Variants in AK5 observed in about 807,000 individuals in gnomAD.
AK5 encodes the protein adenylate kinase isoenzyme 5.
AK5 carries 27 observed loss-of-function variants against 69.5 expected under a neutral mutation model. The observed-to-expected ratio is 0.39, with a 90% CI of 0.29 to 0.54. AK5 has a LOEUF of 0.54. Ranked by LOEUF, AK5 falls within the 20% of genes least tolerant of loss-of-function variation. The pLI, the probability that AK5 is intolerant of heterozygous loss-of-function variation, is 0.71. For missense variants in AK5, 531 were observed against 700.4 expected, an observed-to-expected ratio of 0.76 and a Z score of 2.73; for synonymous variants, 260 against 244.4, an observed-to-expected ratio of 1.06 and a Z score of -0.60.
chr1:77,508,667 G>C (rs1453797847), intron 10 of AK5, among the ~76,000 whole-genome samples: 6 of 152,236 alleles, frequency 3.9e-5, no homozygotes, highest in Non-Finnish European at 1.5e-5. Context: ...AGGAGTTCGA[G>C]ACCAGCCTGG....
intron 6 of AK5, among the ~76,000 whole-genome samples, chr1:77,365,420 A>G (rs80008689): frequency 0.052 from 7,943 of 152,258 alleles, 318 homozygotes; most frequent in Admixed American, 0.12. Context: ...GGGCAATGTT[A>G]TACTTTGTTT....
chr1:77,512,245 G>C (rs1657392717), intron 10 of AK5, among the ~76,000 whole-genome samples: 1 of 151,986 alleles, frequency 6.6e-6, no homozygotes, highest in Non-Finnish European at 1.5e-5. Flanking sequence ...GTGTGTGTGA[G>C]AGAGAGAGAG....
chr1:77,359,283 C>T (rs1162020378), intron 6 of AK5, among the ~76,000 whole-genome samples: 1 of 151,194 alleles, frequency 6.6e-6, no homozygotes, highest in African/African-American at 2.4e-5. Flanking sequence ...TAAAAGAGAA[C>T]CCATTAAGAT....
At chr1:77,448,114 C>G (rs369271486) in intron 8 of AK5, among the ~76,000 whole-genome samples, 1 of 152,116 alleles carries the variant, frequency 6.6e-6, no homozygotes, top group Admixed American at 6.5e-5. Context: ...CTGTGGACAG[C>G]GGGTTGATGG....
At chr1:77,350,657 A>C (rs1570423683) in intron 6 of AK5, among the ~76,000 whole-genome samples, 1 of 152,302 alleles carries the variant, frequency 6.6e-6, no homozygotes, top group East Asian at 1.9e-4. Flanking sequence ...GATGGCAAAC[A>C]TGGGAGTAAT....
chr1:77,346,503 A>T (rs1557515294), intron 6 of AK5, among the ~76,000 whole-genome samples: 1 of 152,054 alleles, frequency 6.6e-6, no homozygotes, highest in Non-Finnish European at 1.5e-5. Flanking sequence ...GGAGAAAAGA[A>T]TTTTTTTGTG....
intron 13 of AK5, among the ~76,000 whole-genome samples, chr1:77,546,245 C>T (rs1177327150): frequency 6.6e-6 from 1 of 152,108 alleles, no homozygotes; most frequent in African/African-American, 2.4e-5. Flanking sequence ...CAGATTTTGC[C>T]TTTGCCCATG....
chr1:77,393,376 G>T (rs541720978), intron 6 of AK5, among the ~76,000 whole-genome samples: 2 of 152,276 alleles, frequency 1.3e-5, no homozygotes, highest in South Asian at 2.1e-4. Flanking sequence ...ATTCAAAAGC[G>T]ATTATGGAAA....
At chr1:77,291,485 C>G (rs988153607) in intron 2 of AK5, among the ~76,000 whole-genome samples, 3 of 152,044 alleles carry the variant, frequency 2.0e-5, no homozygotes, top group African/African-American at 7.2e-5. Context: ...TGTTTCCTTT[C>G]TCTTACCAAC....
At chr1:77,389,360 A>G (rs2100520954) in intron 6 of AK5, among the ~76,000 whole-genome samples, 1 of 152,334 alleles carries the variant, frequency 6.6e-6, no homozygotes, top group African/African-American at 2.4e-5. Flanking sequence ...GGATGAATCA[A>G]TGGCTACTGC....
At chr1:77,486,504 G>T (rs533802213) in intron 10 of AK5, 152 bp downstream of exon 10, 11 of 483,992 alleles carry the variant, frequency 2.3e-5, no homozygotes, top group East Asian at 2.1e-4. Context: ...GACCATCCTG[G>T]CTAACACAGT....
intron 8 of AK5, among the ~76,000 whole-genome samples, chr1:77,447,267 C>G (rs528963595): frequency 6.6e-6 from 1 of 152,314 alleles, no homozygotes; most frequent in African/African-American, 2.4e-5. Flanking sequence ...CCATTCTTGA[C>G]TAAAAAGTCA....
chr1:77,530,974 G>A (rs1057127235), intron 12 of AK5, among the ~76,000 whole-genome samples: 1 of 152,114 alleles, frequency 6.6e-6, no homozygotes, highest in Admixed American at 6.5e-5. Context: ...TGTGCTGGTG[G>A]GCTGCCCTCA....
chr1:77,359,436 AT>A (rs1646822542), intron 6 of AK5, among the ~76,000 whole-genome samples: 2 of 151,948 alleles, frequency 1.3e-5, no homozygotes, highest in African/African-American at 4.8e-5. Context: ...TGGTTTTTAT[AT>A]TTTTTCTTAT....
At chr1:77,409,023 C>G (rs1649852458) in intron 6 of AK5, among the ~76,000 whole-genome samples, 1 of 152,158 alleles carries the variant, frequency 6.6e-6, no homozygotes, top group South Asian at 2.1e-4. Context: ...ATTTGGTTTT[C>G]TGTTCCTGCA....
At chr1:77,444,990 G>C (rs555917821) in intron 8 of AK5, among the ~76,000 whole-genome samples, 16 of 152,168 alleles carry the variant, frequency 1.1e-4, no homozygotes, top group Non-Finnish European at 1.8e-4. Flanking sequence ...TCCATGTTGT[G>C]ACAAATGGCA....
intron 6 of AK5, among the ~76,000 whole-genome samples, chr1:77,408,337 A>G (rs946944031): frequency 8.5e-5 from 13 of 152,118 alleles, no homozygotes; most frequent in Non-Finnish European, 1.8e-4. Flanking sequence ...GACTGGTGTG[A>G]GATGGTATCT....
chr1:77,463,017 G>A (rs1013107335), intron 8 of AK5, among the ~76,000 whole-genome samples: 7 of 152,140 alleles, frequency 4.6e-5, no homozygotes, highest in Non-Finnish European at 1.0e-4. Context: ...TTTTTATGAT[G>A]TGCAAAGAAT....
intron 12 of AK5, among the ~76,000 whole-genome samples, chr1:77,529,783 CAG>C (rs1425322745): frequency 6.6e-6 from 1 of 152,056 alleles, no homozygotes; most frequent in African/African-American, 2.4e-5. Context: ...GTCATATTAA[CAG>C]AAGTCATATT....
Sources: allele counts gnomAD v4.1 joint callset (sites outside exome capture counted in the v4.1 genomes callset), GRCh38; gene constraint gnomAD v4.1.1; transcripts MANE v1.5; gene names NCBI Gene and HGNC (gene_info 2026-07-23, HGNC 2026-07-21).